HPSE2: variants seen among roughly 807,000 people sequenced by gnomAD.
The protein encoded by HPSE2 is inactive heparanase-2.
HPSE2 carries 38 observed loss-of-function variants against 60.5 expected under a neutral mutation model. The observed-to-expected ratio is 0.63, with a 90% CI of 0.48 to 0.82. The LOEUF (loss-of-function observed/expected upper bound fraction) is 0.82, where lower values mean the gene tolerates loss of function less well. Among genes scored for constraint, HPSE2 ranks in the 40% least tolerant of loss-of-function variants. HPSE2 has a pLI of 0.00. For synonymous variants in HPSE2, 295 were observed against 293.2 expected (o/e 1.01, Z -0.06); for missense variants, 713 against 740.4 (o/e 0.96, Z 0.43).
Position 98,743,921 on chromosome 10 carries a change from G to C in HPSE2, c.746C>G (p.Ala249Gly). The C allele has an allele frequency of 6.2e-7, 1 of 1,613,940 alleles. No individual in the cohort carries two copies. The highest frequency in any genetic ancestry group is 8.5e-7 in the Non-Finnish European group (1 of 1,179,916). ...CCAAGAAATGTTGTACTTTTTGCTG[G>C]CGCTGTACTTCAACAGACTCAGGGC... is the stretch of plus-strand genomic sequence containing the variant. The part of the protein sequence containing the change: ...SSALSLLKYS[A>G]SKKYNISWEL... Residue 249 changes from alanine to glycine, a missense_variant, in exon 4 of 12, where the codon GCC becomes GGC. Ala to Gly is a moderately conservative substitution (Grantham distance 60). Transcript: ENST00000370552.
intron 2 of HPSE2, among the ~76,000 whole-genome samples, chr10:99,147,999 ATACT>A (rs142440406): frequency 0.011 from 1,717 of 152,362 alleles, 33 homozygotes; most frequent in African/African-American, 0.038. Context: ...AGAAGCTCAT[ATACT>A]TAAGATCTTA....
the HPSE2 span, among the ~76,000 whole-genome samples, chr10:99,242,990 A>G: frequency 6.6e-6 from 1 of 152,230 alleles, no homozygotes; most frequent in Non-Finnish European, 1.5e-5. Context: ...TATAATTTAC[A>G]TATATACTAT....
chr10:99,232,483 C>A lies in HPSE2; in HGVS notation c.313G>T (p.Ala105Ser), dbSNP rs1436721570. ...FLSSKRLVTLARGLSPAFLRF... is the reference protein window; with the variant it reads ...FLSSKRLVTLSRGLSPAFLRF... Reference sequence around the variant, plus strand: ...AGAAAGGCGGGCGAAAGTCCCCGGGCCAGGGTCACCAAGCGCTTGGAGCTG... The same window carrying A: ...AGAAAGGCGGGCGAAAGTCCCCGGGACAGGGTCACCAAGCGCTTGGAGCTG... The change falls in exon 2 of 12, where the codon GCC (alanine) becomes TCC (serine). Residue 105 changes from alanine (A) to serine (S), a missense_variant. Physicochemically the swap from Ala to Ser is moderately conservative, Grantham distance 99 (BLOSUM62 1). Coordinates refer to ENST00000370552, the MANE Select transcript of HPSE2 (RefSeq NM_021828.5). 3.2e-6 allele frequency: 5 copies of A among 1,555,514 alleles called. No individual in the cohort carries two copies. The African/African-American group carries it at 6.8e-5, about 21-fold the overall frequency.
chr10:99,195,363 T>C (rs1172366761), intron 2 of HPSE2, among the ~76,000 whole-genome samples: 2 of 151,282 alleles, frequency 1.3e-5, no homozygotes, highest in African/African-American at 2.4e-5. Flanking sequence ...GTTCTAGATA[T>C]AGCAATAAGA....
intron 2 of HPSE2, among the ~76,000 whole-genome samples, chr10:99,226,437 T>C (rs995633692): frequency 7.2e-5 from 11 of 152,084 alleles, no homozygotes; most frequent in African/African-American, 2.7e-4. Flanking sequence ...AGGTATCTTG[T>C]AGAGTATCCT....
At chr10:98,478,637 T>G (rs1406047501) in intron 11 of HPSE2, among the ~76,000 whole-genome samples, 1 of 152,170 alleles carries the variant, frequency 6.6e-6, no homozygotes, top group Non-Finnish European at 1.5e-5. Flanking sequence ...CACTCCTTGG[T>G]TTTCTGTCAT....
chr10:98,552,278 T>C (rs1046213949), intron 9 of HPSE2, among the ~76,000 whole-genome samples: 1 of 148,364 alleles, frequency 6.7e-6, no homozygotes, highest in Non-Finnish European at 1.5e-5. Flanking sequence ...TTACTTAGCC[T>C]CTCTGTGTAA....
intron 2 of HPSE2, among the ~76,000 whole-genome samples, chr10:99,186,354 C>T (rs1848023061): frequency 6.6e-6 from 1 of 151,754 alleles, no homozygotes; most frequent in Admixed American, 6.6e-5. Flanking sequence ...ACCAGCCTGG[C>T]CAATATGGTG....
chr10:99,236,022 A>AT (rs1849842530), upstream of HPSE2, among the ~76,000 whole-genome samples: 2 of 68,140 alleles, frequency 2.9e-5, no homozygotes, highest in African/African-American at 6.7e-5. Context: ...AATTTTTTTT[A>AT]ATTTTTTTTT....
intron 9 of HPSE2, among the ~76,000 whole-genome samples, chr10:98,502,281 A>G (rs1942051465): frequency 5.9e-5 from 9 of 152,220 alleles, no homozygotes; most frequent in Admixed American, 5.9e-4. Flanking sequence ...GGCATCGCAC[A>G]CTACCTGATT....
At chr10:99,216,018 T>C (rs551713257) in intron 2 of HPSE2, among the ~76,000 whole-genome samples, 1 of 152,304 alleles carries the variant, frequency 6.6e-6, no homozygotes, top group African/African-American at 2.4e-5. Flanking sequence ...AGTCTGATAA[T>C]GTTGCTGATA....
At chr10:99,201,738 A>G (rs1380596555) in intron 2 of HPSE2, among the ~76,000 whole-genome samples, 2 of 152,190 alleles carry the variant, frequency 1.3e-5, no homozygotes, top group African/African-American at 4.8e-5. Context: ...CCTGATTATG[A>G]CTAAAAACCT....
At chr10:98,688,327 G>A (rs1005017607) in intron 6 of HPSE2, among the ~76,000 whole-genome samples, 57 of 151,738 alleles carry the variant, frequency 3.8e-4, no homozygotes, top group African/African-American at 1.3e-3. Context: ...TCATTATTTT[G>A]TAAATAAATT....
intron 2 of HPSE2, among the ~76,000 whole-genome samples, chr10:99,191,349 CA>C (rs146102778): frequency 0.021 from 3,136 of 151,996 alleles, 110 homozygotes; most frequent in East Asian, 0.16. Context: ...AGTGCAGTCC[CA>C]GGGGTGGTGA....
intron 3 of HPSE2, among the ~76,000 whole-genome samples, chr10:99,077,639 T>C (rs1842991069): frequency 6.6e-6 from 1 of 152,128 alleles, no homozygotes; most frequent in African/African-American, 2.4e-5. Flanking sequence ...ATCCATTTCA[T>C]ATTTAGATCC....
At chr10:98,652,599 C>G (rs566383226) in intron 6 of HPSE2, among the ~76,000 whole-genome samples, 1 of 152,360 alleles carries the variant, frequency 6.6e-6, no homozygotes, top group South Asian at 2.1e-4. Context: ...TGAGTTCTGT[C>G]ACTTGAGTGG....
intron 11 of HPSE2, among the ~76,000 whole-genome samples, chr10:98,471,553 T>G (rs1411790414): frequency 6.6e-6 from 1 of 152,150 alleles, no homozygotes; most frequent in Non-Finnish European, 1.5e-5. Flanking sequence ...TTTTTTAACC[T>G]AAAAGGAAGA....
At chr10:99,304,753 C>T in the HPSE2 span, among the ~76,000 whole-genome samples, 1 of 152,192 alleles carries the variant, frequency 6.6e-6, no homozygotes, top group Non-Finnish European at 1.5e-5. Flanking sequence ...AGGACTTTGG[C>T]TAGTGGCTGA....
At chr10:98,790,712 C>T (rs1219298371) in intron 3 of HPSE2, among the ~76,000 whole-genome samples, 1 of 152,074 alleles carries the variant, frequency 6.6e-6, no homozygotes, top group Non-Finnish European at 1.5e-5. Context: ...ACAATGTGTA[C>T]ACAGATCAAA....
Sources: allele counts gnomAD v4.1 joint callset (sites outside exome capture counted in the v4.1 genomes callset), GRCh38; gene constraint gnomAD v4.1.1; transcripts MANE v1.5; gene names NCBI Gene and HGNC (gene_info 2026-07-23, HGNC 2026-07-21).